Variants in RANBP2 observed in about 807,000 individuals in gnomAD.
RANBP2 encodes the protein E3 SUMO-protein ligase RanBP2.
Under a neutral mutation model 303.6 loss-of-function variants are expected in RANBP2, and 57 were observed. The observed-to-expected ratio is 0.19, with a 90% CI of 0.15 to 0.23. RANBP2 has a LOEUF of 0.23. RANBP2 is among the 10% of genes least tolerant of loss of function. RANBP2 has a pLI of 1.00. For missense variants in RANBP2, 3,138 were observed against 3,780.8 expected (o/e 0.83, Z 4.46); for synonymous variants, 1,167 against 1,301.5 (o/e 0.90, Z 2.23).
chr2:109,657,962 T>C, the RANBP2 span, among the ~76,000 whole-genome samples: 64,760 of 151,156 alleles, frequency 0.43, 14,946 homozygotes, highest in Non-Finnish European at 0.53. Flanking sequence ...TCAAGTGATC[T>C]GCCTGCCTCA....
At chr2:109,419,834 C>G in the RANBP2 span, among the ~76,000 whole-genome samples, 3 of 152,222 alleles carry the variant, frequency 2.0e-5, no homozygotes, top group Admixed American at 1.3e-4. Context: ...CTTCTGATGT[C>G]GTTGTTTCTA....
chr2:109,262,890 T>C, the RANBP2 span, among the ~76,000 whole-genome samples: 7 of 152,290 alleles, frequency 4.6e-5, no homozygotes, highest in African/African-American at 1.4e-4. Flanking sequence ...TGGAGTGCAG[T>C]GGCATGATCT....
At chr2:109,716,390 T>C in the RANBP2 span, among the ~76,000 whole-genome samples, 1 of 151,948 alleles carries the variant, frequency 6.6e-6, no homozygotes, top group Non-Finnish European at 1.5e-5. Context: ...TAGCTGGGAT[T>C]ATAGGTGCCT....
At chr2:109,459,580 A>G in the RANBP2 span, among the ~76,000 whole-genome samples, 2 of 152,158 alleles carry the variant, frequency 1.3e-5, no homozygotes, top group African/African-American at 4.8e-5. Flanking sequence ...GCTCTTGCCC[A>G]TGTCCACTAT....
intron 7 of RANBP2, among the ~76,000 whole-genome samples, chr2:108,745,202 G>A (rs1410156192): frequency 6.8e-6 from 1 of 146,720 alleles, no homozygotes; most frequent in Admixed American, 6.9e-5. Flanking sequence ...CAGTATCAAA[G>A]TATATCTGTG....
the RANBP2 span, among the ~76,000 whole-genome samples, chr2:109,211,241 T>C: frequency 6.6e-6 from 1 of 152,184 alleles, no homozygotes; most frequent in African/African-American, 2.4e-5. Context: ...CCCTGATAAA[T>C]GGCAGCTGGC....
At chr2:108,893,641 A>G in the RANBP2 span, among the ~76,000 whole-genome samples, 1 of 152,180 alleles carries the variant, frequency 6.6e-6, no homozygotes. Context: ...CCAGGAAAGA[A>G]GGGTTCTCCC....
the RANBP2 span, among the ~76,000 whole-genome samples, chr2:108,890,969 A>C: frequency 6.6e-6 from 1 of 152,072 alleles, no homozygotes. Context: ...CAAATGTATT[A>C]TATATTTCCT....
chr2:109,222,461 C>CAATT, the RANBP2 span, among the ~76,000 whole-genome samples: 1 of 151,740 alleles, frequency 6.6e-6, no homozygotes, highest in Non-Finnish European at 1.5e-5. Context: ...TAAATATGTA[C>CAATT]AATTATTATG....
At chr2:109,200,962 A>C in the RANBP2 span, among the ~76,000 whole-genome samples, 1 of 151,950 alleles carries the variant, frequency 6.6e-6, no homozygotes, top group Non-Finnish European at 1.5e-5. Flanking sequence ...GGGCCCACCC[A>C]CACTGGCACC....
chr2:109,022,929 T>C, the RANBP2 span, among the ~76,000 whole-genome samples: 1 of 152,012 alleles, frequency 6.6e-6, no homozygotes, highest in African/African-American at 2.4e-5. Context: ...TGAGTGCCTG[T>C]AATCCCAGCT....
chr2:109,268,573 G>A, the RANBP2 span, among the ~76,000 whole-genome samples: 1 of 152,292 alleles, frequency 6.6e-6, no homozygotes, highest in East Asian at 1.9e-4. Context: ...GGCTTGACTG[G>A]GCCTCGCTCC....
At chr2:109,079,444 C>T in the RANBP2 span, among the ~76,000 whole-genome samples, 10 of 152,140 alleles carry the variant, frequency 6.6e-5, no homozygotes, top group South Asian at 2.1e-4. Context: ...TTTTACTGTT[C>T]GGGGAGTTGG....
the RANBP2 span, among the ~76,000 whole-genome samples, chr2:109,115,770 G>T: frequency 6.6e-6 from 1 of 151,998 alleles, no homozygotes; most frequent in Non-Finnish European, 1.5e-5. Context: ...GGCTGGTACC[G>T]GTTGTTCCTT....
chr2:109,236,682 A>G, the RANBP2 span, among the ~76,000 whole-genome samples: 1 of 152,328 alleles, frequency 6.6e-6, no homozygotes, highest in South Asian at 2.1e-4. Flanking sequence ...GTCAAGGTCG[A>G]AGAAAGGAAA....
chr2:109,076,443 A>G, the RANBP2 span, among the ~76,000 whole-genome samples: 1 of 121,200 alleles, frequency 8.3e-6, no homozygotes, highest in African/African-American at 3.0e-5. Flanking sequence ...AGAAATAAAA[A>G]ATATCCAACT....
At chr2:109,438,760 A>T in the RANBP2 span, among the ~76,000 whole-genome samples, 1 of 152,188 alleles carries the variant, frequency 6.6e-6, no homozygotes, top group African/African-American at 2.4e-5. Flanking sequence ...TGCAGTTGGC[A>T]AGTGATCTGG....
chr2:108,935,773 G>C, the RANBP2 span, among the ~76,000 whole-genome samples: 1 of 152,158 alleles, frequency 6.6e-6, no homozygotes, highest in Non-Finnish European at 1.5e-5. Flanking sequence ...CCCTAAGGAC[G>C]GTGCCAGACA....
chr2:109,339,904 AC>A, the RANBP2 span, among the ~76,000 whole-genome samples: 1 of 152,150 alleles, frequency 6.6e-6, no homozygotes, highest in South Asian at 2.1e-4. Flanking sequence ...TCAGGGCTCC[AC>A]AGAGGCTTCC....
Sources: gnomAD v4.1 joint callset for allele counts (sites outside exome capture counted in the v4.1 genomes callset) on GRCh38, gnomAD v4.1.1 for gene constraint, MANE v1.5 for transcripts, NCBI Gene and HGNC (gene_info 2026-07-23, HGNC 2026-07-21) for gene names.